NSUN4: variants seen among roughly 807,000 people sequenced by gnomAD.
The protein encoded by NSUN4 is 5-cytosine rRNA methyltransferase NSUN4.
A neutral mutation model predicts 43.8 loss-of-function variants in NSUN4; 31 were observed. The observed-to-expected ratio is 0.71, with a 90% CI of 0.53 to 0.96. NSUN4 has a LOEUF of 0.96. NSUN4 is among the 40% of genes least tolerant of loss of function. The pLI, the probability that NSUN4 is intolerant of heterozygous loss-of-function variation, is 0.00. For synonymous variants in NSUN4, 167 were observed against 184.1 expected, an observed-to-expected ratio of 0.91 and a Z score of 0.75; for missense variants, 439 against 475.6, an observed-to-expected ratio of 0.92 and a Z score of 0.72.
At chr1:46,379,880 A>G in the NSUN4 span, among the ~76,000 whole-genome samples, 1 of 152,110 alleles carries the variant, frequency 6.6e-6, no homozygotes, top group Non-Finnish European at 1.5e-5. Flanking sequence ...CTTTAATCCT[A>G]TTTATGAGGC....
chr1:46,378,799 T>C, the NSUN4 span, among the ~76,000 whole-genome samples: 3 of 152,238 alleles, frequency 2.0e-5, no homozygotes, highest in African/African-American at 7.2e-5. Context: ...CTTGGCTGTC[T>C]CGCCTGTGTA....
At chr1:46,366,727 A>AAAAAAAAAG (rs1553178523), downstream of NSUN4, among the ~76,000 whole-genome samples, 2 of 127,900 alleles carry the variant, frequency 1.6e-5, no homozygotes, top group Non-Finnish European at 3.4e-5. Context: ...AAAAAAAAAA[A>AAAAAAAAAG]AAGTGGGTAG....
chr1:46,351,463 T>C (rs934610116), intron 3 of NSUN4, among the ~76,000 whole-genome samples: 1 of 152,150 alleles, frequency 6.6e-6, no homozygotes, highest in African/African-American at 2.4e-5. Flanking sequence ...CTAAATAAAC[T>C]GTAGTATCTA....
At chr1:46,350,296 G>A (rs2148385833) in intron 3 of NSUN4, among the ~76,000 whole-genome samples, 1 of 152,266 alleles carries the variant, frequency 6.6e-6, no homozygotes, top group East Asian at 1.9e-4. Context: ...AAGCTAGGAG[G>A]CTGAGGCAGG....
At chr1:46,358,700 C>T (rs1358631458) in intron 4 of NSUN4, among the ~76,000 whole-genome samples, 1 of 151,974 alleles carries the variant, frequency 6.6e-6, no homozygotes, top group Non-Finnish European at 1.5e-5. Context: ...GTGCCTGACA[C>T]CTGTCAAATT....
chr1:46,359,045 G>A (rs1421544337), intron 4 of NSUN4, among the ~76,000 whole-genome samples: 1 of 151,988 alleles, frequency 6.6e-6, no homozygotes, highest in African/African-American at 2.4e-5. Flanking sequence ...ATCACCTGAG[G>A]TCAAGATTTC....
intron 3 of NSUN4, among the ~76,000 whole-genome samples, chr1:46,350,226 T>C (rs1057535): frequency 0.22 from 34,077 of 152,122 alleles, 4,275 homozygotes; most frequent in Non-Finnish European, 0.29. Context: ...CTTCTTTGAG[T>C]GCCCTCAAAA....
intron 1 of NSUN4, chr1:46,343,498 C>G (rs537473168): frequency 5.0e-6 from 2 of 399,558 alleles, no homozygotes; most frequent in South Asian, 1.3e-4. Flanking sequence ...AGCTGTAGTT[C>G]GACTATTATT....
At chr1:46,350,586 G>A (rs778491558) in intron 3 of NSUN4, among the ~76,000 whole-genome samples, 11 of 152,110 alleles carry the variant, frequency 7.2e-5, no homozygotes, top group Admixed American at 2.0e-4. Flanking sequence ...GATATTTCTT[G>A]AACTCATGTC....
Position 46,363,484 on chromosome 1 carries a change from A to T in NSUN4, c.*1638A>T. The T allele has an allele frequency of 6.6e-6, 1 of 152,190 alleles. No homozygotes were observed. The highest frequency in any genetic ancestry group is 1.9e-4 in the East Asian group (1 of 5,204). The allele number at this position is 152,190 out of a possible 1,614,324, so 9.4% of individuals were successfully genotyped here. On this transcript the variant is annotated 3_prime_UTR_variant, in exon 6 of 6. Coordinates refer to ENST00000474844, the MANE Select transcript of NSUN4 (RefSeq NM_199044.4). ...AAATGAGAGGGTCCCCTGCCTCTAG[A>T]GTCATCATCTAATTGGGGACAGGCA...
chr1:46,357,382 CAT>C (rs1663459946), intron 4 of NSUN4, among the ~76,000 whole-genome samples: 1 of 152,210 alleles, frequency 6.6e-6, no homozygotes, highest in Non-Finnish European at 1.5e-5. Context: ...GGGGTTTTGT[CAT>C]ATTGCCCAGG....
At position 46,347,367 on chromosome 1, in the gene NSUN4, A is replaced by G. The variant is rs372847911; in HGVS notation, c.592+292A>G. ...GCAGGAGAATTGCTTGAACCCGGGA[A>G]GTGGAGGTTACAATGAGCTGAGATC... On this transcript the variant is annotated intron_variant, in intron 3 of 5. Transcript: ENST00000474844. Among the ~76,000 whole-genome samples, 85 of 152,092 alleles carry G rather than the reference A, an allele frequency of 5.6e-4. 1 individual carries two copies. The East Asian group carries it at 0.014, about 25-fold the overall frequency.
rs952686190 is a variant in NSUN4 at position 46,363,778 on chromosome 1, A to G, written c.*1932A>G. ...TAATAGAACATTATACAATTGTCAA[A>G]TGAACTATAATGATACCTAACCATA... On this transcript the variant is annotated 3_prime_UTR_variant, in exon 6 of 6. Transcript: ENST00000474844. 3.3e-5 allele frequency: 5 copies of G among 152,596 alleles called. No individual in the cohort carries two copies. Among genetic ancestry groups the G allele is most frequent in the African/African-American group, 1.2e-4 (5 of 41,444 alleles). The allele number at this position is 152,596 out of a possible 1,614,324, so 9.5% of individuals were successfully genotyped here.
chr1:46,372,506 G>T, the NSUN4 span, among the ~76,000 whole-genome samples: 2 of 152,050 alleles, frequency 1.3e-5, no homozygotes, highest in Non-Finnish European at 2.9e-5. Flanking sequence ...CTTCCCTTTT[G>T]ATTATAAATT....
At chr1:46,383,268 G>A in the NSUN4 span, among the ~76,000 whole-genome samples, 66 of 152,306 alleles carry the variant, frequency 4.3e-4, no homozygotes, top group East Asian at 0.011. Flanking sequence ...ACGCCCCAGA[G>A]ACTCTTCCAG....
At chr1:46,378,636 T>C in the NSUN4 span, among the ~76,000 whole-genome samples, 1 of 152,278 alleles carries the variant, frequency 6.6e-6, no homozygotes, top group African/African-American at 2.4e-5. Context: ...ATGTATCAGT[T>C]AGCTATTGCT....
the NSUN4 span, among the ~76,000 whole-genome samples, chr1:46,375,608 G>A: frequency 6.6e-6 from 1 of 151,574 alleles, no homozygotes. Context: ...GTGATGGTAT[G>A]CACCTGTAGT....
At chr1:46,351,113 C>T (rs1266825280) in intron 3 of NSUN4, among the ~76,000 whole-genome samples, 1 of 152,214 alleles carries the variant, frequency 6.6e-6, no homozygotes, top group Non-Finnish European at 1.5e-5. Context: ...CACCTGTAAT[C>T]CCAGCACTTT....
chr1:46,353,105 A>C, intron 4 of NSUN4, 77 bp downstream of exon 4: 1 of 1,355,010 alleles, frequency 7.4e-7, no homozygotes, highest in South Asian at 1.2e-5. Flanking sequence ...CTGAGGGGTT[A>C]GGATCCAGCC....
Sources: gnomAD v4.1 joint callset for allele counts (sites outside exome capture counted in the v4.1 genomes callset) on GRCh38, gnomAD v4.1.1 for gene constraint, MANE v1.5 for transcripts, NCBI Gene and HGNC (gene_info 2026-07-23, HGNC 2026-07-21) for gene names.